The following RYR3 variants were observed in gnomAD, a reference collection of about 807,000 sequenced individuals.
RYR3 encodes ryanodine receptor 3.
In RYR3, 207 loss-of-function variants were observed where a neutral mutation model predicts 584.3. The observed-to-expected ratio is 0.35, with a 90% CI of 0.32 to 0.40. The LOEUF is 0.40. RYR3 is among the 10% of genes least tolerant of loss of function. The pLI, the probability that RYR3 is intolerant of heterozygous loss-of-function variation, is 1.00. For missense variants in RYR3, 5,616 were observed against 6,089.2 expected (o/e 0.92, Z 2.59); for synonymous variants, 2,416 against 2,248.5 (o/e 1.07, Z -2.11).
At chr15:33,543,381 C>T (rs1045433647) in intron 7 of RYR3, among the ~76,000 whole-genome samples, 1 of 152,104 alleles carries the variant, frequency 6.6e-6, no homozygotes, top group East Asian at 1.9e-4. Context: ...TTTCACCTTA[C>T]CTTTTGATGT....
At chr15:33,795,482 C>T (rs994589418) in intron 67 of RYR3, among the ~76,000 whole-genome samples, 38 of 147,132 alleles carry the variant, frequency 2.6e-4, no homozygotes, top group African/African-American at 9.5e-4. Flanking sequence ...GTAACCTCTG[C>T]CTCCTGGGTT....
chr15:33,691,604 G>T (rs1158499586), intron 38 of RYR3, among the ~76,000 whole-genome samples: 1 of 151,812 alleles, frequency 6.6e-6, no homozygotes. Flanking sequence ...TAAGCAGCTA[G>T]TTCAGCTCAC....
chr15:33,777,641 G>A (rs1230536285), intron 64 of RYR3, among the ~76,000 whole-genome samples: 1 of 152,052 alleles, frequency 6.6e-6, no homozygotes, highest in Non-Finnish European at 1.5e-5. Context: ...ATATGAGAGG[G>A]CAGGGCCAGT....
At chr15:33,758,827 G>C (rs1218051569) in intron 60 of RYR3, among the ~76,000 whole-genome samples, 4 of 152,294 alleles carry the variant, frequency 2.6e-5, no homozygotes, top group South Asian at 2.1e-4. Flanking sequence ...GTGGGTCCCT[G>C]AGCCCCGTGC....
At chr15:33,343,287 A>G (rs185235203) in intron 1 of RYR3, among the ~76,000 whole-genome samples, 9 of 152,312 alleles carry the variant, frequency 5.9e-5, no homozygotes, top group Admixed American at 5.9e-4. Context: ...ACTTTCCCTA[A>G]GCGGCCCTTC....
In RYR3 at chr15:33,417,597, A is replaced by C. The variant is rs114514915; in HGVS notation, c.52-55822A>C. 9.3e-3 allele frequency among the ~76,000 whole-genome samples: 1,410 copies of C among 152,208 alleles called. 17 individuals are homozygous for C. Among genetic ancestry groups the C allele is most frequent in the African/African-American group, 0.025 (1,050 of 41,548 alleles). On this transcript the variant is annotated intron_variant, in intron 1 of 103. Coordinates refer to ENST00000634891, the MANE Select transcript of RYR3 (RefSeq NM_001036.6). ...GGAGTCATTTGGCGGAATCTTTAGG[A>C]TTTTCTAGGTATAGAATCATGTCCT...
chr15:33,530,105 A>T (rs955239199), intron 3 of RYR3, among the ~76,000 whole-genome samples: 10 of 152,302 alleles, frequency 6.6e-5, no homozygotes, highest in African/African-American at 2.4e-4. Flanking sequence ...AGATCTGTGT[A>T]TAAAGGACCC....
chr15:33,379,230 C>T (rs748038820), intron 1 of RYR3, among the ~76,000 whole-genome samples: 2 of 152,074 alleles, frequency 1.3e-5, no homozygotes, highest in African/African-American at 2.4e-5. Flanking sequence ...CTGTAACACA[C>T]TATGGTTTTC....
At chr15:33,660,453 A>G in intron 34 of RYR3, 30 bp downstream of exon 34, 1 of 1,465,316 alleles carries the variant, frequency 6.8e-7, no homozygotes, top group Non-Finnish European at 9.2e-7. Context: ...AGGAAGGGGC[A>G]GGCCTGAGGG....
chr15:33,666,066 A>G (rs2063479009), intron 36 of RYR3, among the ~76,000 whole-genome samples: 1 of 152,116 alleles, frequency 6.6e-6, no homozygotes, highest in African/African-American at 2.4e-5. Flanking sequence ...ATGCAGTGGC[A>G]TGGTATCAGC....
At chr15:33,379,687 C>CTATATATATATATATA (rs1555448829) in intron 1 of RYR3, among the ~76,000 whole-genome samples, 6 of 125,476 alleles carry the variant, frequency 4.8e-5, no homozygotes, top group African/African-American at 1.1e-4. Context: ...CTCTCTCTCT[C>CTATATATATATATATA]TATATATATA....
intron 32 of RYR3, among the ~76,000 whole-genome samples, chr15:33,658,293 C>T (rs190936016): frequency 1.3e-5 from 2 of 152,338 alleles, no homozygotes; most frequent in African/African-American, 2.4e-5. Flanking sequence ...ATGCTGGCTG[C>T]AGCCAGGGGC....
intron 99 of RYR3, chr15:33,858,823 G>A (rs1205302650): frequency 6.6e-6 from 1 of 152,208 alleles, no homozygotes; most frequent in African/African-American, 2.4e-5. Context: ...AGGGACAGGG[G>A]ACAGTGAAAT....
chr15:33,326,605 G>A (rs1969732398), intron 1 of RYR3, among the ~76,000 whole-genome samples: 1 of 152,136 alleles, frequency 6.6e-6, no homozygotes, highest in African/African-American at 2.4e-5. Flanking sequence ...AGTGAAAGAG[G>A]CACTTGAGAC....
intron 3 of RYR3, among the ~76,000 whole-genome samples, chr15:33,528,989 A>C (rs929816452): frequency 6.6e-6 from 1 of 152,218 alleles, no homozygotes; most frequent in African/African-American, 2.4e-5. Context: ...CCACAGTGTA[A>C]GCCATCAGGA....
chr15:33,311,105 C>A lies in RYR3; in HGVS notation c.51+9C>A. 6.4e-7 allele frequency: 1 copy of A among 1,568,972 alleles called. No individual in the cohort carries two copies. The highest frequency in any genetic ancestry group is 8.6e-7 in the Non-Finnish European group (1 of 1,159,002). On this transcript the variant is annotated intron_variant, in intron 1 of 103. Coordinates refer to ENST00000634891, the MANE Select transcript of RYR3 (RefSeq NM_001036.6). The surrounding 1 kb of genome is among the most constrained non-coding windows in gnomAD (Gnocchi z 4.4). ...TCCAGTTTCTGAGGACTGTGAGTCTCCGCGGCGGGGGCGAGGCCGTGGGCA... is the reference window on the plus strand; with the variant it reads ...TCCAGTTTCTGAGGACTGTGAGTCTACGCGGCGGGGGCGAGGCCGTGGGCA...
At position 33,646,335 on chromosome 15, in the gene RYR3, C is replaced by T; in HGVS notation, c.3766-16C>T. The T allele has an allele frequency of 6.3e-7, 1 of 1,585,698 alleles. No individual in the cohort carries two copies. The highest frequency in any genetic ancestry group is 1.3e-5 in the African/African-American group (1 of 74,666). ...GCCCTTTGGTATGTCAAGGTAAGGA[C>T]TCGTCCTGTTTCCAGGTCATGAGGA... On this transcript the variant is annotated splice_polypyrimidine_tract_variant and intron_variant, in intron 28 of 103. Transcript: ENST00000634891.
In RYR3 at chr15:33,353,216, G is replaced by T. The variant is rs185567065; in HGVS notation, c.51+42120G>T. ...ACAGCCAAGTCCGATTTTTGCCTTGGTAAGATATTTCTGTTATTCTATATG... is the reference window on the plus strand; with the variant it reads ...ACAGCCAAGTCCGATTTTTGCCTTGTTAAGATATTTCTGTTATTCTATATG... On this transcript the variant is annotated intron_variant, in intron 1 of 103. Coordinates refer to ENST00000634891, the MANE Select transcript of RYR3 (RefSeq NM_001036.6). Among the ~76,000 whole-genome samples the T allele has an allele frequency of 1.3e-4, 20 of 152,266 alleles. 1 individual carries two copies. The East Asian group carries it at 3.5e-3, about 26-fold the overall frequency.
At chr15:33,470,172 C>G (rs2048816084) in intron 1 of RYR3, among the ~76,000 whole-genome samples, 1 of 152,280 alleles carries the variant, frequency 6.6e-6, no homozygotes, top group South Asian at 2.1e-4. Context: ...TCCTAAAAGA[C>G]AGAGGCTGGG....
Sources: gnomAD v4.1 joint callset for allele counts (sites outside exome capture counted in the v4.1 genomes callset) on GRCh38, gnomAD v4.1.1 for gene constraint, Gnocchi (gnomAD v3.1) non-coding constraint, MANE v1.5 for transcripts, NCBI Gene and HGNC (gene_info 2026-07-23, HGNC 2026-07-21) for gene names.